The following ANKRD12 variants were observed in gnomAD, a reference collection of about 807,000 sequenced individuals.
ANKRD12 encodes the protein ankyrin repeat domain 12.
ANKRD12 carries 85 observed loss-of-function variants against 183.4 expected under a neutral mutation model. That is an observed-to-expected ratio of 0.46 (90% confidence interval 0.39 to 0.56). ANKRD12 has a LOEUF of 0.56. Ranked by LOEUF, ANKRD12 falls within the 20% of genes least tolerant of loss-of-function variation. The pLI is 0.00. For missense variants in ANKRD12, 2,405 were observed against 2,357.1 expected (o/e 1.02, Z -0.42); for synonymous variants, 914 against 800.2 (o/e 1.14, Z -2.40).
rs1355525401 is a variant in ANKRD12, at chr18:9,208,712, C to T, written c.360C>T (p.Ser120=). Residue 120 remains serine (S), a synonymous_variant, in exon 5 of 13, where the codon TCC becomes TCT. Transcript: ENST00000262126. ...KTKKEAGNKK[S]TPVSILFGYP... Reference sequence around the variant, plus strand: ...AAAAGGAAGCTGGAAATAAGAAATCCACACCAGTTAGCATTCTTTTTGGTT... The same window carrying T: ...AAAAGGAAGCTGGAAATAAGAAATCTACACCAGTTAGCATTCTTTTTGGTT... The T allele has an allele frequency of 6.8e-6, 11 of 1,609,570 alleles. No individual in the cohort carries two copies. Among genetic ancestry groups the T allele is most frequent in the Non-Finnish European group, 9.3e-6 (11 of 1,177,750 alleles).
At chr18:9,262,551 C>A (rs1001241688) in intron 9 of ANKRD12, among the ~76,000 whole-genome samples, 22 of 152,144 alleles carry the variant, frequency 1.4e-4, no homozygotes, top group African/African-American at 5.1e-4. Context: ...CCTCAAACTT[C>A]TGGACTCAAG....
At chr18:9,249,090 A>G (rs1457112048) in intron 8 of ANKRD12, among the ~76,000 whole-genome samples, 1 of 152,176 alleles carries the variant, frequency 6.6e-6, no homozygotes, top group African/African-American at 2.4e-5. Flanking sequence ...AGCACTTACT[A>G]TGTGCTAGAC....
At chr18:9,247,019 T>G (rs755320819) in intron 8 of ANKRD12, among the ~76,000 whole-genome samples, 1 of 152,208 alleles carries the variant, frequency 6.6e-6, no homozygotes, top group African/African-American at 2.4e-5. Context: ...AACTGGAATA[T>G]GAATTTTGTA....
chr18:9,257,075 C>T lies in ANKRD12; in HGVS notation c.3808C>T (p.Pro1270Ser). The T allele has an allele frequency of 6.2e-7, 1 of 1,614,108 alleles. No individual in the cohort carries two copies. ...ERELDSLADLPERIKPPYANR... is the reference protein window; with the variant it reads ...ERELDSLADLSERIKPPYANR... The stretch of plus-strand genomic sequence containing the variant: ...GGAATTGGACAGCCTGGCTGACTTG[C>T]CGGAGCGGATTAAACCACCATATGC... The change falls in exon 9 of 13, where the codon CCG (proline) becomes TCG (serine). Residue 1270 changes from proline (P) to serine (S), a missense_variant. This residue lies in a region of ANKRD12 where 1,983 missense variants were observed against 1,725.9 expected (regional missense o/e 1.15). Transcript: ENST00000262126.
At chr18:9,206,161 T>TA (rs1327243734) in intron 4 of ANKRD12, among the ~76,000 whole-genome samples, 1 of 152,088 alleles carries the variant, frequency 6.6e-6, no homozygotes, top group Non-Finnish European at 1.5e-5. Context: ...TATATTTTCT[T>TA]AAAAAATCCC....
chr18:9,168,294 G>T (rs944912888), intron 1 of ANKRD12, among the ~76,000 whole-genome samples: 3 of 152,122 alleles, frequency 2.0e-5, no homozygotes, highest in African/African-American at 7.2e-5. Context: ...AGAAGGATTG[G>T]TATCAGCTCC....
intron 4 of ANKRD12, 140 bp downstream of exon 4, chr18:9,204,684 A>C (rs2035377517): frequency 3.2e-6 from 2 of 623,200 alleles, no homozygotes; most frequent in East Asian, 6.4e-5. Flanking sequence ...GGGTGACACC[A>C]CATTTTCCCA....
At chr18:9,192,224 A>G (rs1371607934) in intron 2 of ANKRD12, among the ~76,000 whole-genome samples, 1 of 152,214 alleles carries the variant, frequency 6.6e-6, no homozygotes, top group Admixed American at 6.5e-5. Flanking sequence ...GGCAGAAGTG[A>G]AAAAATAGCT....
intron 8 of ANKRD12, among the ~76,000 whole-genome samples, chr18:9,223,277 G>A (rs1321336866): frequency 1.3e-5 from 2 of 150,352 alleles, no homozygotes; most frequent in Non-Finnish European, 3.0e-5. Context: ...TTTTTGAGGT[G>A]GAGTCTCGCT....
chr18:9,265,134 G>C (rs531464788), intron 10 of ANKRD12, among the ~76,000 whole-genome samples: 1 of 152,380 alleles, frequency 6.6e-6, no homozygotes, highest in East Asian at 1.9e-4. Flanking sequence ...CAGGAAGCTC[G>C]AAGTGGGTGG....
At chr18:9,265,199 G>A (rs1171580632) in intron 10 of ANKRD12, among the ~76,000 whole-genome samples, 1 of 152,254 alleles carries the variant, frequency 6.6e-6, no homozygotes, top group African/African-American at 2.4e-5. Flanking sequence ...ACCTCTGGGA[G>A]CAGGGCACAG....
chr18:9,257,321 T>A lies in ANKRD12; in HGVS notation c.4054T>A (p.Ser1352Thr). The change falls in exon 9 of 13, where the codon TCA becomes ACA. Residue 1352 changes from serine (S) to threonine (T), a missense_variant. By Grantham distance (58) the Ser-to-Thr change is moderately conservative. This residue lies in a region of ANKRD12 where 1,983 missense variants were observed against 1,725.9 expected (regional missense o/e 1.15). Transcript: ENST00000262126. ...TSPSPKPEVF[S>T]NVPERDLSNV... Reference sequence around the variant, plus strand: ...TCCTTCTCCCAAACCTGAGGTATTCTCAAATGTGCCTGAAAGAGACCTTTC... The same window carrying A: ...TCCTTCTCCCAAACCTGAGGTATTCACAAATGTGCCTGAAAGAGACCTTTC... 6.2e-7 allele frequency: 1 copy of A among 1,614,150 alleles called. No individual in the cohort carries two copies. The highest frequency in any genetic ancestry group is 1.7e-5 in the Admixed American group (1 of 60,010).
chr18:9,260,713 AAGAT>A (rs1185979345), intron 9 of ANKRD12, among the ~76,000 whole-genome samples: 2 of 152,212 alleles, frequency 1.3e-5, no homozygotes, highest in Non-Finnish European at 1.5e-5. Flanking sequence ...ATTTACTTAA[AAGAT>A]AGATGGGGAA....
At chr18:9,182,640 A>G in intron 2 of ANKRD12, 121 bp downstream of exon 2, 1 of 505,750 alleles carries the variant, frequency 2.0e-6, no homozygotes, top group Non-Finnish European at 3.3e-6. Context: ...AATCCAAACC[A>G]TTTATGCCCT....
In ANKRD12 at chr18:9,255,428, G is replaced by A; in HGVS notation, c.2161G>A (p.Glu721Lys). ...LNMEHESLTL[E>K]KKSKLEKNIK... ...TATGGAACATGAATCCTTAACATTA[G>A]AAAAAAAATCAAAATTGGAAAAAAA... Residue 721 changes from glutamate to lysine, a missense_variant, in exon 9 of 13, where the codon GAA becomes AAA. Around this residue, in one of 7 missense-constraint regions of ANKRD12, gnomAD observed 1,983 missense variants for 1,725.9 expected, o/e 1.15. Coordinates refer to ENST00000262126, the MANE Select transcript of ANKRD12 (RefSeq NM_015208.5). 1.3e-6 allele frequency: 2 copies of A among 1,564,834 alleles called. No individual in the cohort carries two copies. The highest frequency in any genetic ancestry group is 1.7e-6 in the Non-Finnish European group (2 of 1,164,294).
intron 1 of ANKRD12, among the ~76,000 whole-genome samples, chr18:9,162,335 A>T (rs1044695305): frequency 4.6e-5 from 7 of 152,040 alleles, no homozygotes; most frequent in African/African-American, 1.7e-4. Flanking sequence ...GCTGAGGATG[A>T]TAACAGCTTC....
At chr18:9,265,082 G>A (rs1195409434) in intron 10 of ANKRD12, among the ~76,000 whole-genome samples, 4 of 152,010 alleles carry the variant, frequency 2.6e-5, no homozygotes, top group African/African-American at 9.7e-5. Context: ...TGGGGGAGGG[G>A]CACCCGCCAT....
intron 3 of ANKRD12, among the ~76,000 whole-genome samples, chr18:9,198,205 A>G (rs2034955729): frequency 6.6e-6 from 1 of 152,208 alleles, no homozygotes; most frequent in African/African-American, 2.4e-5. Context: ...TTTACAGCAT[A>G]TATCAAAACC....
rs1206036009 is a variant in ANKRD12, at chr18:9,258,568, T to C, written c.5301T>C (p.Pro1767=). The C allele has an allele frequency of 1.9e-6, 3 of 1,613,746 alleles. No homozygotes were observed. Among genetic ancestry groups the C allele is most frequent in the Non-Finnish European group, 2.5e-6 (3 of 1,179,912 alleles). ...AAAAAGACAGTGAATCCTCATCTCC[T>C]AGAGGAAGAATAAGATTAACTGAAG... ...LSEKDSESSS[P]RGRIRLTEDD... is the part of the protein sequence containing the mutation. Residue 1767 remains proline, a synonymous_variant, in exon 9 of 13, where the codon CCT becomes CCC. Coordinates refer to ENST00000262126, the MANE Select transcript of ANKRD12 (RefSeq NM_015208.5).
Sources: gnomAD v4.1 joint callset for allele counts (sites outside exome capture counted in the v4.1 genomes callset) on GRCh38, gnomAD v4.1.1 for gene constraint, gnomAD v4.1.1 regional missense constraint, MANE v1.5 for transcripts, NCBI Gene and HGNC (gene_info 2026-07-23, HGNC 2026-07-21) for gene names.